Variants in INTS9 observed in about 807,000 individuals in gnomAD.
INTS9 encodes protein related to CPSF subunits of 74 kDa.
In INTS9, 55 loss-of-function variants were observed where a neutral mutation model predicts 79.7. The ratio of observed to expected loss-of-function variants is 0.69; its 90% CI spans 0.56 to 0.86. The LOEUF (loss-of-function observed/expected upper bound fraction) is 0.86. Ranked by LOEUF, INTS9 falls within the 40% of genes least tolerant of loss-of-function variation. The pLI, the probability that INTS9 is intolerant of heterozygous loss-of-function variation, is 0.00. For missense variants in INTS9, 721 were observed against 831.5 expected, an observed-to-expected ratio of 0.87 and a Z score of 1.64; for synonymous variants, 319 against 325.2, an observed-to-expected ratio of 0.98 and a Z score of 0.20.
At chr8:28,862,517 T>C (rs1312711685) in intron 1 of INTS9, among the ~76,000 whole-genome samples, 1 of 152,218 alleles carries the variant, frequency 6.6e-6, no homozygotes, top group Non-Finnish European at 1.5e-5. Context: ...GTGATCACTT[T>C]AGTGCGTAAG....
At chr8:28,887,861 C>CT (rs977295958) in intron 1 of INTS9, among the ~76,000 whole-genome samples, 1 of 152,132 alleles carries the variant, frequency 6.6e-6, no homozygotes, top group African/African-American at 2.4e-5. Context: ...TAATTTTCCA[C>CT]TTTTTTACAA....
chr8:28,819,010 A>G (rs1007869427), intron 6 of INTS9, among the ~76,000 whole-genome samples: 115 of 152,108 alleles, frequency 7.6e-4, no homozygotes, highest in African/African-American at 2.5e-3. Context: ...CCCCTTTATC[A>G]TTTTTTATTG....
intron 1 of INTS9, among the ~76,000 whole-genome samples, chr8:28,867,780 T>C (rs1808844994): frequency 6.6e-6 from 1 of 151,976 alleles, no homozygotes; most frequent in South Asian, 2.1e-4. Context: ...TTTTCTCTAG[T>C]CTTGTTTAAA....
chr8:28,847,990 G>A (rs923538741), intron 3 of INTS9, among the ~76,000 whole-genome samples: 14 of 152,320 alleles, frequency 9.2e-5, no homozygotes, highest in East Asian at 1.9e-4. Context: ...TACAGATACC[G>A]GCAGCTGGAA....
chr8:28,843,428 T>C (rs1196056780), intron 4 of INTS9, among the ~76,000 whole-genome samples: 2 of 152,230 alleles, frequency 1.3e-5, no homozygotes, highest in African/African-American at 2.4e-5. Context: ...CTCAATGATT[T>C]TCTTAATGGC....
At chr8:28,880,411 G>A (rs1449455163) in intron 1 of INTS9, among the ~76,000 whole-genome samples, 1 of 151,750 alleles carries the variant, frequency 6.6e-6, no homozygotes, top group African/African-American at 2.4e-5. Flanking sequence ...GGCGCGTGCC[G>A]CCACGCCTGA....
At chr8:28,883,462 A>G (rs1488681210) in intron 1 of INTS9, among the ~76,000 whole-genome samples, 2 of 152,242 alleles carry the variant, frequency 1.3e-5, no homozygotes, top group East Asian at 3.8e-4. Flanking sequence ...TAGTAAAAGT[A>G]AAGAAACAGC....
At chr8:28,831,970 G>T (rs747809182) in intron 6 of INTS9, among the ~76,000 whole-genome samples, 7 of 152,192 alleles carry the variant, frequency 4.6e-5, no homozygotes, top group Non-Finnish European at 8.8e-5. Flanking sequence ...CTCCCAAAGT[G>T]ATGGGATTAC....
chr8:28,811,128 C>CTTTTTTTTTTTTTTT (rs34004264), intron 8 of INTS9, among the ~76,000 whole-genome samples: 2 of 142,182 alleles, frequency 1.4e-5, no homozygotes. Flanking sequence ...CTTTCTCTCT[C>CTTTTTTTTTTTTTTT]TTTTTTTTTT....
intron 15 of INTS9, 97 bp downstream of exon 15, chr8:28,770,885 G>T (rs987407948): frequency 4.6e-6 from 4 of 866,452 alleles, no homozygotes; most frequent in South Asian, 1.5e-5. Flanking sequence ...TCTTCAACAA[G>T]AATTCACATG....
chr8:28,835,466 T>A, intron 5 of INTS9, 88 bp from the exon 6 acceptor site: 10 of 638,732 alleles, frequency 1.6e-5, no homozygotes, highest in African/African-American at 2.0e-5. Context: ...AGAAATGACT[T>A]GCCCACCTCC....
chr8:28,771,986 C>T (rs912763132), intron 14 of INTS9, among the ~76,000 whole-genome samples: 1 of 152,102 alleles, frequency 6.6e-6, no homozygotes, highest in Non-Finnish European at 1.5e-5. Context: ...TCAGCCTCCC[C>T]AGTAGCTGGG....
Position 28,793,797 on chromosome 8 carries a change from A to G in INTS9, c.1037+10T>C. ...AAATTCACAAAAAAAAAAAAAAACC[A>G]CGGACATACCACTCAGCAAAGATCT... On this transcript the variant is annotated intron_variant, in intron 10 of 16. Transcript: ENST00000521022. 1.3e-6 allele frequency: 2 copies of G among 1,548,316 alleles called. No homozygotes were observed. Among genetic ancestry groups the G allele is most frequent in the Non-Finnish European group, 1.7e-6 (2 of 1,148,416 alleles).
rs769930873 is a variant in INTS9 at position 28,859,536 on chromosome 8, G to A, written c.37C>T (p.Pro13Ser). 1.9e-6 allele frequency: 3 copies of A among 1,614,096 alleles called. No homozygotes were observed. In the South Asian group the frequency reaches 3.3e-5, roughly 18 times the overall value. ...LYCLSGHPTL[P>S]CNVLKFKSTT... The stretch of plus-strand genomic sequence containing the variant: ...GATTTGAATTTGAGCACATTGCATG[G>A]TAAGGTTGGGTGCCCTGACAGGCAA... The change falls in exon 2 of 17, where the codon CCA becomes TCA. Residue 13 changes from proline (P) to serine (S), a missense_variant. Physicochemically the swap from Pro to Ser is moderately conservative, Grantham distance 74 (BLOSUM62 -1). Transcript: ENST00000521022.
intron 10 of INTS9, among the ~76,000 whole-genome samples, chr8:28,792,260 A>G (rs1467758985): frequency 6.6e-6 from 1 of 152,170 alleles, no homozygotes; most frequent in Admixed American, 6.5e-5. Context: ...TTGGGAAAAA[A>G]TGAAATTAAT....
chr8:28,810,358 T>C (rs1249359510), intron 8 of INTS9: 1 of 152,718 alleles, frequency 6.5e-6, no homozygotes, highest in Non-Finnish European at 1.5e-5. Flanking sequence ...CTACTAGAGA[T>C]ACAAGTATTT....
rs762425366 is a variant in INTS9 at position 28,859,528 on chromosome 8, A to G, written c.45T>C (p.Asn15=). 1.1e-5 allele frequency: 17 copies of G among 1,614,044 alleles called. No homozygotes were observed. The highest frequency in any genetic ancestry group is 1.4e-5 in the Non-Finnish European group (16 of 1,179,988). The change falls in exon 2 of 17, where the codon AAT becomes AAC. Residue 15 remains asparagine (N), a synonymous_variant. Transcript: ENST00000521022. The part of the protein sequence containing the change: ...CLSGHPTLPC[N]VLKFKSTTIM... ...TGGTGGTTGATTTGAATTTGAGCAC[A>G]TTGCATGGTAAGGTTGGGTGCCCTG...
chr8:28,823,859 C>A (rs1474088101), intron 6 of INTS9, among the ~76,000 whole-genome samples: 1 of 152,152 alleles, frequency 6.6e-6, no homozygotes, highest in African/African-American at 2.4e-5. Context: ...AATGGAAACA[C>A]TGAATTAAGA....
chr8:28,849,282 C>G (rs1390682776), intron 3 of INTS9, among the ~76,000 whole-genome samples: 1 of 152,066 alleles, frequency 6.6e-6, no homozygotes, highest in African/African-American at 2.4e-5. Context: ...GTTTGACTAG[C>G]TTATAGTTGT....
Sources: allele counts gnomAD v4.1 joint callset (sites outside exome capture counted in the v4.1 genomes callset), GRCh38; gene constraint gnomAD v4.1.1; transcripts MANE v1.5; gene names NCBI Gene and HGNC (gene_info 2026-07-23, HGNC 2026-07-21).